AZIN2: variants seen among roughly 807,000 people sequenced by gnomAD.
The protein encoded by AZIN2 is ODC antizyme inhibitor-2.
A neutral mutation model predicts 47.8 loss-of-function variants in AZIN2; 28 were observed. The ratio of observed to expected loss-of-function variants is 0.59; its 90% confidence interval spans 0.43 to 0.80. AZIN2 has a LOEUF of 0.80. AZIN2 is among the 30% of genes least tolerant of loss of function. AZIN2 has a pLI of 0.00. For missense variants in AZIN2, 535 were observed against 582.5 expected (o/e 0.92, Z 0.84); for synonymous variants, 221 against 239.4 (o/e 0.92, Z 0.71).
At chr1:33,147,087 G>A in the AZIN2 span, 41 of 1,453,874 alleles carry the variant, frequency 2.8e-5, no homozygotes, top group Admixed American at 2.4e-4. This position sits in a 1 kb window ranked among gnomAD's most constrained non-coding sequence, Gnocchi z 8.1. Context: ...CAGTGGCCAC[G>A]GTGGGCTGGA....
In AZIN2 at chr1:33,113,798, C is replaced by T. The variant is rs1050342174; in HGVS notation, c.1030-4104C>T. Among the ~76,000 whole-genome samples the T allele has an allele frequency of 1.3e-5, 2 of 152,190 alleles. No individual in the cohort carries two copies. Among genetic ancestry groups the T allele is most frequent in the Admixed American group, 1.3e-4 (2 of 15,288 alleles). ...TGGATCATTATTTAAAATAGTCTCT[C>T]TTCATTGTGGGGTTTTGTTTTGTCT... On this transcript the variant is annotated intron_variant, in intron 10 of 11. Transcript: ENST00000294517. The surrounding 1 kb of genome is among the most constrained non-coding windows in gnomAD (Gnocchi z 4.1).
At chr1:33,127,305 C>T (rs961481413), downstream of AZIN2, among the ~76,000 whole-genome samples, 10 of 152,248 alleles carry the variant, frequency 6.6e-5, no homozygotes, top group Non-Finnish European at 1.2e-4. Context: ...CTTCCGGTAG[C>T]GTAAAGTCAC....
chr1:33,159,557 C>G, the AZIN2 span: 1 of 1,338,526 alleles, frequency 7.5e-7, no homozygotes, highest in Non-Finnish European at 9.9e-7. This position sits in a 1 kb window ranked among gnomAD's most constrained non-coding sequence, Gnocchi z 4.2. Context: ...GCAGATGTCC[C>G]GTAAATGTTT....
chr1:33,137,320 C>T, the AZIN2 span, among the ~76,000 whole-genome samples: 2 of 152,058 alleles, frequency 1.3e-5, no homozygotes, highest in East Asian at 1.9e-4. Context: ...GTGTTCTTAT[C>T]AGTAAAAAGA....
chr1:33,126,719 A>G (rs1570251426), downstream of AZIN2, among the ~76,000 whole-genome samples: 1 of 151,912 alleles, frequency 6.6e-6, no homozygotes, highest in East Asian at 1.9e-4. Context: ...GGACCCCCCC[A>G]ATAGCGCTTT....
At chr1:33,085,427 C>T (rs1289473570) in intron 5 of AZIN2, among the ~76,000 whole-genome samples, 2 of 151,916 alleles carry the variant, frequency 1.3e-5, no homozygotes, top group Non-Finnish European at 2.9e-5. Context: ...GGTAGATAAC[C>T]AGGGAAAGGG....
At chr1:33,146,101 A>G in the AZIN2 span, 2 of 297,024 alleles carry the variant, frequency 6.7e-6, 1 homozygote, top group South Asian at 5.6e-5. Context: ...GTCACAACAG[A>G]CATGATGAAT....
chr1:33,166,732 G>A, the AZIN2 span, among the ~76,000 whole-genome samples: 1 of 152,068 alleles, frequency 6.6e-6, no homozygotes, highest in Non-Finnish European at 1.5e-5. Flanking sequence ...CTCCTGCGAT[G>A]AATAACAACA....
chr1:33,104,913 G>A (rs921040559), intron 10 of AZIN2, among the ~76,000 whole-genome samples: 1 of 152,236 alleles, frequency 6.6e-6, no homozygotes, highest in East Asian at 1.9e-4. Flanking sequence ...TGCCCAGGCT[G>A]GTCTTGAGCT....
At chr1:33,082,062 C>T in intron 3 of AZIN2, 116 bp from the exon 4 acceptor site, 2 of 611,544 alleles carry the variant, frequency 3.3e-6, no homozygotes, top group Non-Finnish European at 5.9e-6. Flanking sequence ...CCCAGTGAAC[C>T]CCGGGCTTGT....
chr1:33,123,643 T>A (rs1644834392), downstream of AZIN2, among the ~76,000 whole-genome samples: 1 of 152,222 alleles, frequency 6.6e-6, no homozygotes, highest in Non-Finnish European at 1.5e-5. Context: ...GGCTGGTGGA[T>A]CACGAGGTCA....
the AZIN2 span, among the ~76,000 whole-genome samples, chr1:33,149,098 G>C: frequency 6.6e-6 from 1 of 152,082 alleles, no homozygotes; most frequent in African/African-American, 2.4e-5. Flanking sequence ...AAGCCTTCCT[G>C]GTCACCCAGC....
chr1:33,096,971 G>C, intron 9 of AZIN2, 102 bp downstream of exon 9: 1 of 1,392,966 alleles, frequency 7.2e-7, no homozygotes, highest in Non-Finnish European at 1.0e-6. Flanking sequence ...GAGGATGGGG[G>C]AATCTGGAGA....
At chr1:33,125,544 C>T (rs1644850697), downstream of AZIN2, among the ~76,000 whole-genome samples, 1 of 152,206 alleles carries the variant, frequency 6.6e-6, no homozygotes, top group Non-Finnish European at 1.5e-5. Flanking sequence ...AAGGCCTCGG[C>T]TTGAATGTTG....
the AZIN2 span, chr1:33,145,826 G>T: frequency 2.1e-6 from 1 of 469,920 alleles, no homozygotes; most frequent in Non-Finnish European, 4.4e-6. Context: ...GAAAAACGCA[G>T]GTGGGGCTTG....
intron 3 of AZIN2, 97 bp from the exon 4 acceptor site, chr1:33,082,081 C>T: frequency 1.6e-6 from 1 of 633,496 alleles, no homozygotes; most frequent in Non-Finnish European, 2.9e-6. Context: ...GTGCTGGGGG[C>T]GGGTTGTGAC....
the AZIN2 span, among the ~76,000 whole-genome samples, chr1:33,161,265 A>G: frequency 6.6e-6 from 1 of 152,114 alleles, no homozygotes; most frequent in Admixed American, 6.5e-5. The surrounding 1 kb of genome is among the most constrained non-coding windows in gnomAD (Gnocchi z 4.3). Context: ...GATGGGCAGG[A>G]TGTCAGTTGG....
At chr1:33,129,171 G>A in the AZIN2 span, among the ~76,000 whole-genome samples, 1 of 152,088 alleles carries the variant, frequency 6.6e-6, no homozygotes, top group African/African-American at 2.4e-5. The surrounding 1 kb of genome is among the most constrained non-coding windows in gnomAD (Gnocchi z 4.1). Flanking sequence ...ATGGAGATTG[G>A]GGGCATATTA....
chr1:33,126,728 T>G (rs954306833), downstream of AZIN2, among the ~76,000 whole-genome samples: 7 of 152,054 alleles, frequency 4.6e-5, no homozygotes, highest in Non-Finnish European at 8.8e-5. Context: ...CAATAGCGCT[T>G]TCTGTTTTTC....
Sources: allele counts gnomAD v4.1 joint callset (sites outside exome capture counted in the v4.1 genomes callset), GRCh38; gene constraint gnomAD v4.1.1; non-coding constraint Gnocchi (gnomAD v3.1); transcripts MANE v1.5; gene names NCBI Gene and HGNC (gene_info 2026-07-23, HGNC 2026-07-21).